The following ERI1 variants were observed in gnomAD, a reference collection of about 807,000 sequenced individuals.
The protein encoded by ERI1 is 3'-5' exoribonuclease 1.
Under a neutral mutation model 39.7 loss-of-function variants are expected in ERI1, and 39 were observed. The observed-to-expected ratio is 0.98, with a 90% confidence interval of 0.76 to 1.28. ERI1 has a LOEUF of 1.28. ERI1 is among the 50% of genes most tolerant of loss of function. ERI1 has a pLI of 0.00. For synonymous variants in ERI1, 204 were observed against 149.6 expected (o/e 1.36, Z -2.65); for missense variants, 581 against 416.9 (o/e 1.39, Z -3.43).
At chr8:9,077,223 A>G (rs1224082256) in intron 3 of ERI1, among the ~76,000 whole-genome samples, 1 of 152,194 alleles carries the variant, frequency 6.6e-6, no homozygotes, top group Non-Finnish European at 1.5e-5. Context: ...CTTAAATGTG[A>G]CATGCATTTC....
At chr8:9,069,904 C>T (rs1400493504) in intron 3 of ERI1, among the ~76,000 whole-genome samples, 1 of 152,114 alleles carries the variant, frequency 6.6e-6, no homozygotes, top group Non-Finnish European at 1.5e-5. Flanking sequence ...GAAAGTCGCT[C>T]CAGTCATTCT....
intron 3 of ERI1, among the ~76,000 whole-genome samples, chr8:9,058,125 G>C (rs1476950504): frequency 6.6e-6 from 1 of 152,194 alleles, no homozygotes; most frequent in African/African-American, 2.4e-5. Flanking sequence ...GACTGCAGGG[G>C]GTCAAAGGCA....
chr8:9,013,108 G>C (rs992988282), intron 3 of ERI1, among the ~76,000 whole-genome samples: 2 of 151,646 alleles, frequency 1.3e-5, no homozygotes, highest in African/African-American at 2.4e-5. Context: ...TCCACCTCCT[G>C]GGTTCGAGCA....
chr8:9,008,223 T>C (rs934443577), intron 2 of ERI1, 75 bp downstream of exon 2: 23 of 1,235,878 alleles, frequency 1.9e-5, no homozygotes, highest in South Asian at 3.4e-5. Flanking sequence ...CATTGAAATA[T>C]TAAAAATCAT....
Position 9,031,025 on chromosome 8 carries a change from A to T in ERI1, c.*991A>T, listed in dbSNP as rs1797550692. On this transcript the variant is annotated 3_prime_UTR_variant, in exon 7 of 7. Coordinates refer to ENST00000250263, the MANE Select transcript of ERI1 (RefSeq NM_153332.4). ...CTAAGTATTGAGTAATTCTTAACTA[A>T]TTCTAAAAACTAAAATGTGCATTTC... 6.6e-6 allele frequency: 1 copy of T among 152,218 alleles called. No individual in the cohort carries two copies. The highest frequency in any genetic ancestry group is 1.5e-5 in the Non-Finnish European group (1 of 68,028). 9.4% of individuals were successfully genotyped at this position (152,218 alleles called of 1,614,324 possible). A position where few individuals can be genotyped will look rare whatever the true frequency, so the allele number is the denominator to read the frequency against.
chr8:9,069,009 G>GGGCC (rs1798970364), intron 3 of ERI1, among the ~76,000 whole-genome samples: 1 of 152,122 alleles, frequency 6.6e-6, no homozygotes, highest in Non-Finnish European at 1.5e-5. Flanking sequence ...ATAGAGATGA[G>GGGCC]GGCCGCGCTG....
chr8:9,006,889 C>G (rs911028545), intron 1 of ERI1, among the ~76,000 whole-genome samples: 4 of 152,142 alleles, frequency 2.6e-5, no homozygotes. Flanking sequence ...CCTGAACCAT[C>G]AGGATCAGTT....
downstream of ERI1, among the ~76,000 whole-genome samples, chr8:9,034,520 G>T (rs545614458): frequency 2.6e-5 from 4 of 152,224 alleles, no homozygotes; most frequent in Admixed American, 1.3e-4. Context: ...AGGGTGATTT[G>T]TAATCAGTGA....
rs1585184928 is a variant in ERI1 at position 9,008,020 on chromosome 8, CATTACCTCCAGTGCG to C, written c.161_175del (p.Ile54_Ala58del). On this transcript the variant is annotated inframe_deletion, in exon 2 of 7. Transcript: ENST00000250263. ...GCCAGGAGACAAAAGGATCCAAGTT[CATTACCTCCAGTGCG>C]AGTGACTTCAGTGACCCGGTTTACA... 1 of 1,464,746 alleles carries C rather than the reference CATTACCTCCAGTGCG, an allele frequency of 6.8e-7. No homozygotes were observed. 90.7% of individuals were successfully genotyped at this position (1,464,746 alleles called of 1,614,324 possible). A position where few individuals can be genotyped will look rare whatever the true frequency, so the allele number is the denominator to read the frequency against.
chr8:9,023,833 C>G (rs894401760), intron 6 of ERI1, among the ~76,000 whole-genome samples: 8 of 112,626 alleles, frequency 7.1e-5, no homozygotes, highest in Non-Finnish European at 1.2e-4. Flanking sequence ...GAGTCTCACT[C>G]TGTCTCCCAA....
intron 3 of ERI1, among the ~76,000 whole-genome samples, chr8:9,076,341 G>A (rs1239499292): frequency 6.6e-6 from 1 of 152,168 alleles, no homozygotes; most frequent in East Asian, 1.9e-4. Flanking sequence ...ATAAATTACA[G>A]GACTGGCATC....
intron 3 of ERI1, among the ~76,000 whole-genome samples, chr8:9,089,238 G>A (rs900873601): frequency 6.6e-6 from 1 of 152,154 alleles, no homozygotes; most frequent in African/African-American, 2.4e-5. Flanking sequence ...GCATATTCCA[G>A]ACCATTCTCA....
At chr8:9,089,905 G>C (rs1029268297) in intron 3 of ERI1, among the ~76,000 whole-genome samples, 2 of 152,096 alleles carry the variant, frequency 1.3e-5, no homozygotes, top group Non-Finnish European at 2.9e-5. Context: ...ATGTGAATGT[G>C]AACAATGAGA....
In ERI1 at chr8:9,054,640, T is replaced by C. The variant is rs183637740; in HGVS notation, n.299+34176T>C. Reference sequence around the variant, plus strand: ...CAGGGACAGCCACGTAGAAACGTGATTGGGCCAGGCACCATGGCCCACGCC... The same window carrying C: ...CAGGGACAGCCACGTAGAAACGTGACTGGGCCAGGCACCATGGCCCACGCC... On this transcript the variant is annotated intron_variant and non_coding_transcript_variant, in intron 3 of 3. Coordinates refer to the ERI1 transcript ENST00000518663. Among the ~76,000 whole-genome samples the C allele has an allele frequency of 3.2e-3, 495 of 152,358 alleles. 2 individuals are homozygous for C. The highest frequency in any genetic ancestry group is 0.011 in the African/African-American group (466 of 41,578).
Position 9,006,025 on chromosome 8 carries a change from A to G in ERI1, c.109-1945A>G, listed in dbSNP as rs542524765. ...CTTTTCTCATTATATGGTCCGTATT[A>G]TATGTGACATGTGATAGGTGGATGT... On this transcript the variant is annotated intron_variant, in intron 1 of 6. Coordinates refer to ENST00000250263, the MANE Select transcript of ERI1 (RefSeq NM_153332.4). Among the ~76,000 whole-genome samples, 3 of 152,346 alleles carry G rather than the reference A, an allele frequency of 2.0e-5. No individual in the cohort carries two copies. In the East Asian group the frequency reaches 5.8e-4, roughly 29 times the overall value.
At chr8:9,080,612 G>A (rs535841224) in intron 3 of ERI1, among the ~76,000 whole-genome samples, 15 of 152,286 alleles carry the variant, frequency 9.8e-5, no homozygotes, top group South Asian at 2.1e-4. Context: ...ACGTTCACCC[G>A]TTCCACCTTG....
Position 9,046,553 on chromosome 8 carries a change from C to T in ERI1, n.299+26089C>T, listed in dbSNP as rs114505016. On this transcript the variant is annotated intron_variant and non_coding_transcript_variant, in intron 3 of 3. Transcript: ENST00000518663. ...TTGCAATTAAAGAGCCCAGTGACTA[C>T]GACTCTTACTCAAATAGCATCCCTA... Among the ~76,000 whole-genome samples the T allele has an allele frequency of 3.9e-3, 595 of 152,282 alleles. 2 individuals are homozygous for T. Among genetic ancestry groups the T allele is most frequent in the African/African-American group, 0.014 (561 of 41,548 alleles).
chr8:9,034,653 C>G (rs187324205), downstream of ERI1, among the ~76,000 whole-genome samples: 3 of 151,954 alleles, frequency 2.0e-5, no homozygotes, highest in Non-Finnish European at 2.9e-5. Flanking sequence ...TACCTATTCC[C>G]TGAGACACAA....
At chr8:9,051,488 C>T (rs1199870150) in intron 3 of ERI1, among the ~76,000 whole-genome samples, 2 of 152,032 alleles carry the variant, frequency 1.3e-5, no homozygotes, top group Non-Finnish European at 2.9e-5. Flanking sequence ...GAAAGCACAT[C>T]TCTACTAAAA....
Sources: gnomAD v4.1 joint callset for allele counts (sites outside exome capture counted in the v4.1 genomes callset) on GRCh38, gnomAD v4.1.1 for gene constraint, MANE v1.5 for transcripts, NCBI Gene and HGNC (gene_info 2026-07-23, HGNC 2026-07-21) for gene names.